Variants in WDR64 observed in about 807,000 individuals in gnomAD.
WDR64 encodes WD repeat-containing protein 64.
Under a neutral mutation model 139.3 loss-of-function variants are expected in WDR64, and 112 were observed. That is an observed-to-expected ratio of 0.80 (90% CI 0.69 to 0.94). The LOEUF (loss-of-function observed/expected upper bound fraction) is 0.94. Among genes scored for constraint, WDR64 ranks in the 40% least tolerant of loss-of-function variants. The pLI is 0.00. For missense variants in WDR64, 1,206 were observed against 1,293.1 expected (o/e 0.93, Z 1.03); for synonymous variants, 444 against 437.7 (o/e 1.01, Z -0.18).
chr1:241,790,525 T>A lies in WDR64; in HGVS notation c.2892-66T>A, dbSNP rs182916684. ...GGGCACCAGAGAAGGACATAATGGA[T>A]CTTTGTTTAGTTGGCAGAGAATAAA... is the stretch of plus-strand genomic sequence containing the variant. On this transcript the variant is annotated intron_variant, in intron 24 of 27. Transcript: ENST00000437684. 5.4e-5 allele frequency: 73 copies of A among 1,348,610 alleles called. No individual in the cohort carries two copies. In the African/African-American group the frequency reaches 8.8e-4, roughly 16 times the overall value. The allele number at this position is 1,348,610 out of a possible 1,614,324, so 83.5% of individuals were successfully genotyped here. A position where few individuals can be genotyped will look rare whatever the true frequency, so the allele number is the denominator to read the frequency against.
At chr1:241,783,128 TG>T in intron 22 of WDR64, 143 bp from the exon 23 acceptor site, 1 of 667,830 alleles carries the variant, frequency 1.5e-6, no homozygotes, top group Non-Finnish European at 2.5e-6. Flanking sequence ...AAGAGCTAAT[TG>T]GGGGCAAGGA....
intron 10 of WDR64, among the ~76,000 whole-genome samples, 181 bp downstream of exon 10, chr1:241,723,617 CA>C (rs1345075246): frequency 1.3e-5 from 2 of 151,848 alleles, no homozygotes; most frequent in African/African-American, 4.8e-5. Flanking sequence ...TTGATTATAG[CA>C]TAAGTAAGAA....
In WDR64 at chr1:241,795,354, C is replaced by A. The variant is rs974661875; in HGVS notation, c.3078+67C>A. The A allele has an allele frequency of 7.1e-6, 10 of 1,403,940 alleles. No homozygotes were observed. In the Admixed American group the frequency reaches 1.4e-4, roughly 20 times the overall value. 87.0% of individuals were successfully genotyped at this position (1,403,940 alleles called of 1,614,324 possible). ...AGAGAATCTGCCATCTCATTCCTGACCCTGGGCTACCAAGCAAGGTTGGAG... is the reference window on the plus strand; with the variant it reads ...AGAGAATCTGCCATCTCATTCCTGAACCTGGGCTACCAAGCAAGGTTGGAG... On this transcript the variant is annotated intron_variant, in intron 26 of 27. Transcript: ENST00000437684.
chr1:241,712,192 C>T (rs2148175295), intron 9 of WDR64, among the ~76,000 whole-genome samples: 1 of 152,278 alleles, frequency 6.6e-6, no homozygotes, highest in African/African-American at 2.4e-5. Flanking sequence ...GTTCCTAGGT[C>T]TCCCAGGAGA....
intron 4 of WDR64, among the ~76,000 whole-genome samples, chr1:241,675,038 T>C (rs1318997264): frequency 4.4e-5 from 1 of 22,522 alleles, no homozygotes; most frequent in Non-Finnish European, 1.0e-4. Flanking sequence ...CCTCCCTCCT[T>C]CTTCTTTCCT....
chr1:241,720,408 A>G (rs768300706), intron 9 of WDR64, among the ~76,000 whole-genome samples: 2 of 152,116 alleles, frequency 1.3e-5, no homozygotes, highest in Non-Finnish European at 2.9e-5. Flanking sequence ...GAACTAATTT[A>G]CACTCCCACC....
chr1:241,717,182 T>G (rs902416444), intron 9 of WDR64, among the ~76,000 whole-genome samples: 2 of 152,224 alleles, frequency 1.3e-5, no homozygotes, highest in South Asian at 4.1e-4. Flanking sequence ...TTGAATCATG[T>G]AACTGAATAT....
At chr1:241,691,574 C>G (rs1667290250) in intron 8 of WDR64, among the ~76,000 whole-genome samples, 1 of 151,220 alleles carries the variant, frequency 6.6e-6, no homozygotes, top group Non-Finnish European at 1.5e-5. Flanking sequence ...TAAAAAACAT[C>G]TACAAAAAAC....
At chr1:241,713,319 A>G (rs1196097447) in intron 9 of WDR64, among the ~76,000 whole-genome samples, 2 of 97,816 alleles carry the variant, frequency 2.0e-5, no homozygotes, top group African/African-American at 9.4e-5. Flanking sequence ...TCAAAAAGAA[A>G]GGACGAAGGA....
At chr1:241,771,937 C>CAT (rs369287433) in intron 19 of WDR64, among the ~76,000 whole-genome samples, 15,334 of 55,412 alleles carry the variant, frequency 0.28, 1,997 homozygotes, top group Middle Eastern at 0.39. Context: ...CATATACATA[C>CAT]ATACATACAT....
rs563781676 is a variant in WDR64 at position 241,801,512 on chromosome 1, T to C, written c.*297T>C. On this transcript the variant is annotated 3_prime_UTR_variant, in exon 28 of 28. Coordinates refer to ENST00000437684, the MANE Select transcript of WDR64 (RefSeq NM_001367482.1). ...TAGTAGGTCTAAAATAATATGGTTA[T>C]CAATGTTTAGCTTTCCACTTCCTCC... is the stretch of plus-strand genomic sequence containing the variant. 8 of 423,972 alleles carry C rather than the reference T, an allele frequency of 1.9e-5. No individual in the cohort carries two copies. The East Asian group carries it at 2.0e-4, about 11-fold the overall frequency. The allele number at this position is 423,972 out of a possible 1,614,324, so 26.3% of individuals were successfully genotyped here. A position where few individuals can be genotyped will look rare whatever the true frequency, so the allele number is the denominator to read the frequency against.
chr1:241,760,743 T>G (rs1670397911), intron 15 of WDR64, among the ~76,000 whole-genome samples: 1 of 147,618 alleles, frequency 6.8e-6, no homozygotes, highest in Admixed American at 6.8e-5. Context: ...TTTATATATA[T>G]ATATAGTGGG....
Position 241,703,318 on chromosome 1 carries a change from G to T in WDR64, c.975-8484G>T, listed in dbSNP as rs1276700339. On this transcript the variant is annotated intron_variant, in intron 8 of 27. Transcript: ENST00000437684. This position sits in a 1 kb window ranked among gnomAD's most constrained non-coding sequence, Gnocchi z 5.9. ...GTGTAACACATGCCCCCTGAAAAAA[G>T]TCACCCCTTTACCTTCTACCTGATG... Among the ~76,000 whole-genome samples, 1 of 151,984 alleles carries T rather than the reference G, an allele frequency of 6.6e-6. No homozygotes were observed. The highest frequency in any genetic ancestry group is 1.5e-5 in the Non-Finnish European group (1 of 68,010).
chr1:241,675,104 CCTTCCTT>C, intron 4 of WDR64, among the ~76,000 whole-genome samples: 1 of 121,192 alleles, frequency 8.3e-6, no homozygotes, highest in African/African-American at 3.6e-5. Context: ...CTCCCTCCCT[CCTTCCTT>C]CCTCCCTCCC....
Position 241,655,193 on chromosome 1 carries a change from G to A in WDR64, c.145+2564G>A, listed in dbSNP as rs535176390. On this transcript the variant is annotated intron_variant, in intron 1 of 27. Coordinates refer to ENST00000437684, the MANE Select transcript of WDR64 (RefSeq NM_001367482.1). ...AAGTCAGGAGTTCAAGACCAGCCTT[G>A]CCAACATGATGAAACCCTGTCTCTA... 2.1e-3 allele frequency among the ~76,000 whole-genome samples: 315 copies of A among 152,274 alleles called. 2 individuals are homozygous for A. The highest frequency in any genetic ancestry group is 6.6e-3 in the African/African-American group (275 of 41,540).
chr1:241,706,425 T>A (rs891815326), intron 8 of WDR64, among the ~76,000 whole-genome samples: 1 of 152,222 alleles, frequency 6.6e-6, no homozygotes, highest in African/African-American at 2.4e-5. Context: ...CTACATCCAG[T>A]TCAGTTCATT....
intron 2 of WDR64, among the ~76,000 whole-genome samples, chr1:241,667,177 T>C (rs937633099): frequency 2.0e-5 from 3 of 152,240 alleles, no homozygotes; most frequent in South Asian, 2.1e-4. Context: ...CTGATAAACA[T>C]TGGAATTCAT....
At chr1:241,793,088 T>C (rs762829259) in intron 25 of WDR64, among the ~76,000 whole-genome samples, 7 of 152,370 alleles carry the variant, frequency 4.6e-5, no homozygotes, top group African/African-American at 7.2e-5. Flanking sequence ...ACAGGAATGA[T>C]GGTTTGAAGC....
chr1:241,715,770 T>G (rs1045104987), intron 9 of WDR64, among the ~76,000 whole-genome samples: 14 of 152,280 alleles, frequency 9.2e-5, no homozygotes, highest in African/African-American at 3.4e-4. Context: ...TGTTAAGAAC[T>G]GACCAGTTTT....
Sources: allele counts gnomAD v4.1 joint callset (sites outside exome capture counted in the v4.1 genomes callset), GRCh38; gene constraint gnomAD v4.1.1; non-coding constraint Gnocchi (gnomAD v3.1); transcripts MANE v1.5; gene names NCBI Gene and HGNC (gene_info 2026-07-23, HGNC 2026-07-21).